The following STK33 variants were observed in gnomAD, a reference collection of about 807,000 sequenced individuals.
STK33 encodes serine/threonine kinase 33.
In STK33, 52 loss-of-function variants were observed where a neutral mutation model predicts 58.0. The ratio of observed to expected loss-of-function variants is 0.90; its 90% CI spans 0.72 to 1.13. The LOEUF (loss-of-function observed/expected upper bound fraction) is 1.13, where lower values mean the gene tolerates loss of function less well. STK33 is among the 50% of genes most tolerant of loss of function. STK33 has a pLI of 0.00. For missense variants in STK33, 630 were observed against 604.2 expected, an observed-to-expected ratio of 1.04 and a Z score of -0.45; for synonymous variants, 215 against 200.1, an observed-to-expected ratio of 1.07 and a Z score of -0.63.
chr11:8,538,421 C>T (rs1447668827), intron 1 of STK33, among the ~76,000 whole-genome samples: 1 of 152,160 alleles, frequency 6.6e-6, no homozygotes, highest in Admixed American at 6.5e-5. Flanking sequence ...CGTCTGCCTC[C>T]AAAGTCCATG....
At chr11:8,438,248 A>G (rs1944318681) in intron 12 of STK33, among the ~76,000 whole-genome samples, 1 of 152,194 alleles carries the variant, frequency 6.6e-6, no homozygotes, top group East Asian at 1.9e-4. Context: ...TTATGACAGC[A>G]ATTTCCTGCA....
downstream of STK33, among the ~76,000 whole-genome samples, chr11:8,389,148 C>G (rs923668075): frequency 6.6e-6 from 1 of 152,168 alleles, no homozygotes; most frequent in African/African-American, 2.4e-5. Context: ...TTTGGGAAAA[C>G]CCACAAAGGA....
intron 4 of STK33, 124 bp from the exon 5 acceptor site, chr11:8,475,190 G>C (rs1565129031): frequency 7.1e-6 from 2 of 280,978 alleles, no homozygotes; most frequent in Middle Eastern, 2.0e-3. Context: ...GACAAAATAG[G>C]ACCACAAAAC....
intron 1 of STK33, among the ~76,000 whole-genome samples, chr11:8,528,028 C>T (rs1954201537): frequency 6.6e-6 from 1 of 152,068 alleles, no homozygotes; most frequent in Non-Finnish European, 1.5e-5. Flanking sequence ...CTAGTCAGGT[C>T]CATGTAAGTA....
chr11:8,428,538 A>C (rs990078665), intron 14 of STK33, among the ~76,000 whole-genome samples: 12 of 152,230 alleles, frequency 7.9e-5, no homozygotes, highest in Non-Finnish European at 1.8e-4. Flanking sequence ...GTATCTTGGC[A>C]GGAACCAGAG....
intron 1 of STK33, among the ~76,000 whole-genome samples, chr11:8,489,764 A>T (rs528568747): frequency 7.4e-4 from 113 of 152,328 alleles, no homozygotes; most frequent in Non-Finnish European, 1.2e-3. Flanking sequence ...TACATAAATT[A>T]TTTTTTTAAA....
At chr11:8,378,157 G>A in the STK33 span, among the ~76,000 whole-genome samples, 1 of 152,242 alleles carries the variant, frequency 6.6e-6, no homozygotes, top group African/African-American at 2.4e-5. Context: ...AATCATGATG[G>A]AAGGAGAAGC....
chr11:8,439,914 A>C (rs1180395187), intron 12 of STK33, among the ~76,000 whole-genome samples: 3 of 114,874 alleles, frequency 2.6e-5, no homozygotes. Flanking sequence ...ATATCAGAGG[A>C]TTTTAATCAG....
At chr11:8,441,547 G>A (rs553799603) in intron 11 of STK33, among the ~76,000 whole-genome samples, 1 of 151,888 alleles carries the variant, frequency 6.6e-6, no homozygotes, top group African/African-American at 2.4e-5. Context: ...TTTAGAGATG[G>A]GGTCTTGCTG....
intron 1 of STK33, among the ~76,000 whole-genome samples, chr11:8,522,573 C>G (rs1230553380): frequency 1.3e-5 from 2 of 152,020 alleles, no homozygotes; most frequent in African/African-American, 4.8e-5. Context: ...GGAAGAAAAT[C>G]TGGAGGAAAA....
the STK33 span, among the ~76,000 whole-genome samples, chr11:8,348,620 T>C: frequency 3.9e-5 from 6 of 152,212 alleles, no homozygotes; most frequent in African/African-American, 1.4e-4. Flanking sequence ...ATTCTCCTTA[T>C]GCTGGGGCTT....
At chr11:8,408,557 A>G (rs1358510294) in intron 15 of STK33, among the ~76,000 whole-genome samples, 1 of 152,222 alleles carries the variant, frequency 6.6e-6, no homozygotes, top group Non-Finnish European at 1.5e-5. Flanking sequence ...TGCAAGCAGC[A>G]TTAGATCAAA....
At chr11:8,541,017 A>G (rs937984931) in intron 1 of STK33, among the ~76,000 whole-genome samples, 2 of 149,458 alleles carry the variant, frequency 1.3e-5, no homozygotes, top group African/African-American at 2.5e-5. Context: ...TATATATCTC[A>G]TAACATTATG....
chr11:8,538,266 C>T (rs1955215093), intron 1 of STK33, among the ~76,000 whole-genome samples: 2 of 151,952 alleles, frequency 1.3e-5, no homozygotes, highest in Admixed American at 1.3e-4. Context: ...GTATCTTATA[C>T]ATATTAACTC....
chr11:8,343,362 G>C, the STK33 span, among the ~76,000 whole-genome samples: 2 of 152,224 alleles, frequency 1.3e-5, no homozygotes. Context: ...CAAAGATGGT[G>C]GGGAAGGGTC....
chr11:8,405,403 A>C (rs941268753), intron 15 of STK33, among the ~76,000 whole-genome samples: 1 of 152,204 alleles, frequency 6.6e-6, no homozygotes, highest in African/African-American at 2.4e-5. Flanking sequence ...TGTCTGTTCA[A>C]GTCTACTGAC....
intron 1 of STK33, among the ~76,000 whole-genome samples, chr11:8,481,038 A>C (rs569902575): frequency 6.6e-6 from 1 of 152,296 alleles, no homozygotes; most frequent in East Asian, 1.9e-4. Context: ...AAGAGTACCG[A>C]GAGAGAGGAG....
At chr11:8,455,477 T>A (rs1946734198) in intron 9 of STK33, among the ~76,000 whole-genome samples, 1 of 152,094 alleles carries the variant, frequency 6.6e-6, no homozygotes, top group Non-Finnish European at 1.5e-5. Flanking sequence ...AATAATTAAT[T>A]CAGTTCATAT....
At chr11:8,386,626 C>T in the STK33 span, among the ~76,000 whole-genome samples, 1 of 152,208 alleles carries the variant, frequency 6.6e-6, no homozygotes, top group African/African-American at 2.4e-5. Context: ...CAGACGTCTC[C>T]CGTCCTGCAC....
Sources: allele counts gnomAD v4.1 joint callset (sites outside exome capture counted in the v4.1 genomes callset), GRCh38; gene constraint gnomAD v4.1.1; transcripts MANE v1.5; gene names NCBI Gene and HGNC (gene_info 2026-07-23, HGNC 2026-07-21).